The following THTPA variants were observed in gnomAD, a reference collection of about 807,000 sequenced individuals.
THTPA encodes the protein thiamine-triphosphatase.
Under a neutral mutation model 16.5 loss-of-function variants are expected in THTPA, and 16 were observed. The ratio of observed to expected loss-of-function variants is 0.97; its 90% CI spans 0.66 to 1.47. THTPA has a LOEUF of 1.47. Among genes scored for constraint, THTPA ranks in the 40% most tolerant of loss-of-function variants. The pLI, the probability that THTPA is intolerant of heterozygous loss-of-function variation, is 0.00. For missense variants in THTPA, 281 were observed against 280.9 expected (o/e 1.00, Z 0.00); for synonymous variants, 110 against 115.5 (o/e 0.95, Z 0.30).
the THTPA span, chr14:23,531,823 G>C: frequency 8.0e-7 from 1 of 1,248,836 alleles, no homozygotes; most frequent in Non-Finnish European, 1.0e-6. Flanking sequence ...TGTTGCCCAG[G>C]CTGGAGTGCA....
the THTPA span, chr14:23,524,147 G>C: frequency 3.6e-5 from 55 of 1,535,900 alleles, no homozygotes; most frequent in Non-Finnish European, 4.6e-5. The surrounding 1 kb of genome is among the most constrained non-coding windows in gnomAD (Gnocchi z 5.6). Context: ...GGCTGTGGCA[G>C]GCGGTTTCAC....
chr14:23,526,396 G>A, the THTPA span: 5 of 1,536,348 alleles, frequency 3.3e-6, no homozygotes, highest in South Asian at 1.2e-5. Flanking sequence ...CGAGAAACTT[G>A]TCCAGGGCAA....
chr14:23,522,187 C>T, the THTPA span: 1 of 1,491,448 alleles, frequency 6.7e-7, no homozygotes, highest in East Asian at 2.5e-5. Flanking sequence ...CCTCACATGC[C>T]AGGCAGTGGT....
At chr14:23,512,390 C>T in the THTPA span, among the ~76,000 whole-genome samples, 1 of 151,878 alleles carries the variant, frequency 6.6e-6, no homozygotes, top group East Asian at 1.9e-4. Flanking sequence ...GGCACAGGGG[C>T]CCTGGGAACT....
At position 23,559,202 on chromosome 14, in the gene THTPA, A is replaced by T; in HGVS notation, c.*362A>T. 4.1e-6 allele frequency: 1 copy of T among 242,668 alleles called. No individual in the cohort carries two copies. The highest frequency in any genetic ancestry group is 6.0e-5 in the South Asian group (1 of 16,592). 15.0% of individuals were successfully genotyped at this position (242,668 alleles called of 1,614,324 possible). A position where few individuals can be genotyped will look rare whatever the true frequency, so the allele number is the denominator to read the frequency against. ...CATTGATTCTGCCAGCGGCTCCTAA[A>T]CCGCCTTACAGCTGAGTTAGAAGAT... On this transcript the variant is annotated 3_prime_UTR_variant, in exon 2 of 2. Coordinates refer to ENST00000288014, the MANE Select transcript of THTPA (RefSeq NM_024328.6).
the THTPA span, chr14:23,531,481 C>T: frequency 7.1e-6 from 10 of 1,400,728 alleles, no homozygotes; most frequent in Non-Finnish European, 8.4e-6. Context: ...TCTTCCTCAC[C>T]GGGAGTCCGG....
the THTPA span, chr14:23,523,184 T>A: frequency 1.1e-5 from 16 of 1,413,252 alleles, no homozygotes; most frequent in Non-Finnish European, 1.5e-5. The surrounding 1 kb of genome is among the most constrained non-coding windows in gnomAD (Gnocchi z 4.1). Flanking sequence ...GTCCAGCTCC[T>A]CCCAGCCTCC....
intron 1 of THTPA, among the ~76,000 whole-genome samples, chr14:23,557,647 G>A (rs756442504): frequency 6.6e-6 from 1 of 152,120 alleles, no homozygotes; most frequent in South Asian, 2.1e-4. Context: ...GTCCTTCCAC[G>A]TGTCTAATTC....
chr14:23,524,774 T>C, the THTPA span: 1 of 1,536,582 alleles, frequency 6.5e-7, no homozygotes, highest in Non-Finnish European at 8.7e-7. This position sits in a 1 kb window ranked among gnomAD's most constrained non-coding sequence, Gnocchi z 5.6. Flanking sequence ...TTCAAGGCCC[T>C]GTTCCTCCTC....
the THTPA span, chr14:23,522,094 G>A: frequency 1.1e-5 from 17 of 1,535,744 alleles, no homozygotes; most frequent in Middle Eastern, 3.3e-4. Context: ...AGATGGGTGG[G>A]CCCCCTTGAG....
At chr14:23,534,309 T>A in the THTPA span, 1 of 1,535,536 alleles carries the variant, frequency 6.5e-7, no homozygotes, top group African/African-American at 1.4e-5. The surrounding 1 kb of genome is among the most constrained non-coding windows in gnomAD (Gnocchi z 4.5). Flanking sequence ...GGGCCATAAC[T>A]TCTTCATCCA....
chr14:23,560,212 C>A lies in THTPA; in HGVS notation c.*1372C>A, dbSNP rs1255346575. The A allele has an allele frequency of 6.2e-7, 1 of 1,605,084 alleles. No homozygotes were observed. Among genetic ancestry groups the A allele is most frequent in the Non-Finnish European group, 8.5e-7 (1 of 1,174,910 alleles). Reference sequence around the variant, plus strand: ...CCTCCTCCACTTAGTGGCCTTTTCTCCTGGAGTCCCCAGGCCACCTCTGAA... The same window carrying A: ...CCTCCTCCACTTAGTGGCCTTTTCTACTGGAGTCCCCAGGCCACCTCTGAA... On this transcript the variant is annotated 3_prime_UTR_variant, in exon 2 of 2. Coordinates refer to ENST00000288014, the MANE Select transcript of THTPA (RefSeq NM_024328.6).
In THTPA at chr14:23,560,082, C is replaced by T. The variant is rs200357528; in HGVS notation, c.*1242C>T. 6.9e-7 allele frequency: 1 copy of T among 1,451,966 alleles called. No individual in the cohort carries two copies. The highest frequency in any genetic ancestry group is 2.3e-5 in the East Asian group (1 of 43,018). 89.9% of individuals were successfully genotyped at this position (1,451,966 alleles called of 1,614,324 possible). On this transcript the variant is annotated 3_prime_UTR_variant, in exon 2 of 2. Transcript: ENST00000288014. ...GAGCACAGTATGGCAGTAGGTAGGGCTCAGGCAGCCCCTCTATACTCAGTG... is the reference window on the plus strand; with the variant it reads ...GAGCACAGTATGGCAGTAGGTAGGGTTCAGGCAGCCCCTCTATACTCAGTG...
the THTPA span, among the ~76,000 whole-genome samples, chr14:23,517,651 T>G: frequency 2.0e-5 from 3 of 152,232 alleles, no homozygotes; most frequent in Non-Finnish European, 4.4e-5. Context: ...ATCTCTTCCC[T>G]GATGTCCAGA....
At chr14:23,520,194 C>T in the THTPA span, among the ~76,000 whole-genome samples, 3 of 152,164 alleles carry the variant, frequency 2.0e-5, no homozygotes, top group Non-Finnish European at 4.4e-5. The surrounding 1 kb of genome is among the most constrained non-coding windows in gnomAD (Gnocchi z 8.7). Context: ...CACCCCATCC[C>T]CTCAATTCGT....
At chr14:23,539,653 G>C in the THTPA span, among the ~76,000 whole-genome samples, 2 of 152,196 alleles carry the variant, frequency 1.3e-5, no homozygotes, top group Non-Finnish European at 2.9e-5. Flanking sequence ...GTGGATTCAG[G>C]CTGGCCGGCA....
the THTPA span, chr14:23,532,645 G>C: frequency 2.7e-6 from 4 of 1,477,328 alleles, no homozygotes; most frequent in East Asian, 5.0e-5. Flanking sequence ...TGGACTCAAA[G>C]TCACAGATGT....
chr14:23,524,680 G>C, the THTPA span: 1 of 1,536,298 alleles, frequency 6.5e-7, no homozygotes, highest in Non-Finnish European at 8.7e-7. This position sits in a 1 kb window ranked among gnomAD's most constrained non-coding sequence, Gnocchi z 5.6. Flanking sequence ...CAGGCTCTTT[G>C]CCTCCTGCCT....
Position 23,560,117 on chromosome 14 carries a change from C to G in THTPA, c.*1277C>G. On this transcript the variant is annotated 3_prime_UTR_variant, in exon 2 of 2. Transcript: ENST00000288014. ...CCCTCTATACTCAGTGGCTCCACAC[C>G]CTTTTCCTGTAACTCCCCAAGTGCT... 3 of 1,417,856 alleles carry G rather than the reference C, an allele frequency of 2.1e-6. No individual in the cohort carries two copies. The highest frequency in any genetic ancestry group is 2.9e-6 in the Non-Finnish European group (3 of 1,024,254). 87.8% of individuals were successfully genotyped at this position (1,417,856 alleles called of 1,614,324 possible). A position where few individuals can be genotyped will look rare whatever the true frequency, so the allele number is the denominator to read the frequency against.
Sources: gnomAD v4.1 joint callset for allele counts (sites outside exome capture counted in the v4.1 genomes callset) on GRCh38, gnomAD v4.1.1 for gene constraint, Gnocchi (gnomAD v3.1) non-coding constraint, MANE v1.5 for transcripts, NCBI Gene and HGNC (gene_info 2026-07-23, HGNC 2026-07-21) for gene names.